Variants in HYCC1 observed in about 807,000 individuals in gnomAD.
HYCC1 encodes the protein hyccin.
chr7:22,917,859 T>G, the HYCC1 span, among the ~76,000 whole-genome samples: 1 of 152,210 alleles, frequency 6.6e-6, no homozygotes, highest in African/African-American at 2.4e-5. Flanking sequence ...TATTCTTTAC[T>G]TTCATAGTCA....
chr7:22,947,552 A>G, the HYCC1 span, among the ~76,000 whole-genome samples: 1 of 152,040 alleles, frequency 6.6e-6, no homozygotes, highest in Non-Finnish European at 1.5e-5. Context: ...TCAAAATAAA[A>G]TTTGTTTTTA....
chr7:22,920,772 C>T, the HYCC1 span, among the ~76,000 whole-genome samples: 1 of 152,236 alleles, frequency 6.6e-6, no homozygotes, highest in East Asian at 1.9e-4. Flanking sequence ...GTGTCCCCTA[C>T]AAATCTCGTG....
At chr7:22,960,002 T>C in the HYCC1 span, among the ~76,000 whole-genome samples, 1 of 152,336 alleles carries the variant, frequency 6.6e-6, no homozygotes, top group East Asian at 1.9e-4. Context: ...ATTTTCCTTA[T>C]TCTCCTACTG....
the HYCC1 span, among the ~76,000 whole-genome samples, chr7:23,009,555 A>G: frequency 2.6e-5 from 4 of 152,124 alleles, no homozygotes; most frequent in Non-Finnish European, 4.4e-5. Flanking sequence ...TCAGCCCCCT[A>G]TGAAAGCCAA....
chr7:22,946,014 G>A, the HYCC1 span: 1 of 1,613,696 alleles, frequency 6.2e-7, no homozygotes, highest in Non-Finnish European at 8.5e-7. Context: ...GACCGTCTGT[G>A]GTTCTTTCCT....
chr7:22,983,910 T>C, the HYCC1 span: 56 of 1,214,414 alleles, frequency 4.6e-5, no homozygotes, highest in Non-Finnish European at 6.5e-5. Context: ...ATCAAGTCAA[T>C]ACTGTTAGCA....
At chr7:22,967,038 T>G in the HYCC1 span, among the ~76,000 whole-genome samples, 1 of 152,224 alleles carries the variant, frequency 6.6e-6, no homozygotes, top group East Asian at 1.9e-4. Context: ...GATGATTGTA[T>G]GGTTGTAAAT....
chr7:22,968,549 A>G, the HYCC1 span, among the ~76,000 whole-genome samples: 6 of 152,206 alleles, frequency 3.9e-5, no homozygotes, highest in African/African-American at 1.4e-4. Flanking sequence ...CCAAAGCAAT[A>G]TTTAACCTGA....
the HYCC1 span, among the ~76,000 whole-genome samples, chr7:22,988,930 G>A: frequency 6.6e-6 from 1 of 152,042 alleles, no homozygotes; most frequent in Non-Finnish European, 1.5e-5. Context: ...CCGCTGCTCT[G>A]CCCCTCACTC....
At chr7:22,979,698 T>C in the HYCC1 span, among the ~76,000 whole-genome samples, 1 of 152,162 alleles carries the variant, frequency 6.6e-6, no homozygotes, top group African/African-American at 2.4e-5. Context: ...CTAACAAACA[T>C]TGCAAAATTA....
chr7:22,917,067 T>C, the HYCC1 span, among the ~76,000 whole-genome samples: 1 of 152,162 alleles, frequency 6.6e-6, no homozygotes, highest in African/African-American at 2.4e-5. Flanking sequence ...TCAAAAGGTG[T>C]CAGATCCCAT....
At chr7:22,906,066 A>G in the HYCC1 span, among the ~76,000 whole-genome samples, 1 of 152,210 alleles carries the variant, frequency 6.6e-6, no homozygotes, top group African/African-American at 2.4e-5. Flanking sequence ...CATGATGGTG[A>G]TAATGATAAT....
At chr7:22,932,992 G>C in the HYCC1 span, among the ~76,000 whole-genome samples, 2 of 152,166 alleles carry the variant, frequency 1.3e-5, no homozygotes, top group African/African-American at 4.8e-5. Context: ...GTAGAGATTG[G>C]AGTGATGCAG....
At chr7:23,004,249 C>T in the HYCC1 span, among the ~76,000 whole-genome samples, 1 of 152,148 alleles carries the variant, frequency 6.6e-6, no homozygotes, top group Non-Finnish European at 1.5e-5. Context: ...TGTTTAATCC[C>T]TAAAGTATTT....
the HYCC1 span, among the ~76,000 whole-genome samples, chr7:22,900,803 A>T: frequency 6.6e-6 from 1 of 152,210 alleles, no homozygotes; most frequent in Admixed American, 6.5e-5. Context: ...TAAACACATT[A>T]AAAAGCAAAA....
chr7:22,989,661 A>G, the HYCC1 span, among the ~76,000 whole-genome samples: 1 of 152,054 alleles, frequency 6.6e-6, no homozygotes, highest in South Asian at 2.1e-4. Context: ...TCTGGCCACA[A>G]GTTATTAAAA....
the HYCC1 span, among the ~76,000 whole-genome samples, chr7:22,920,600 T>C: frequency 6.6e-6 from 1 of 152,146 alleles, no homozygotes; most frequent in Non-Finnish European, 1.5e-5. Flanking sequence ...CGCAGAGATA[T>C]TTTACAAGAA....
At chr7:23,001,610 A>C in the HYCC1 span, among the ~76,000 whole-genome samples, 1 of 152,168 alleles carries the variant, frequency 6.6e-6, no homozygotes, top group Non-Finnish European at 1.5e-5. Flanking sequence ...GTAAAAGAAC[A>C]TGGTAGGGTA....
chr7:22,958,432 C>T, the HYCC1 span, among the ~76,000 whole-genome samples: 1 of 152,104 alleles, frequency 6.6e-6, no homozygotes, highest in African/African-American at 2.4e-5. Flanking sequence ...TCTATATTCT[C>T]ATCTGTGACT....
Sources: gnomAD v4.1 joint callset for allele counts (sites outside exome capture counted in the v4.1 genomes callset) on GRCh38, gnomAD v4.1.1 for gene constraint, MANE v1.5 for transcripts, NCBI Gene and HGNC (gene_info 2026-07-23, HGNC 2026-07-21) for gene names.